INO80: variants seen among roughly 807,000 people sequenced by gnomAD.
The protein encoded by INO80 is INO80 complex ATPase subunit.
A neutral mutation model predicts 203.4 loss-of-function variants in INO80; 20 were observed. The ratio of observed to expected loss-of-function variants is 0.10; its 90% confidence interval spans 0.07 to 0.14. INO80 has a LOEUF of 0.14. INO80 is among the 10% of genes least tolerant of loss of function. The pLI is 1.00. For synonymous variants in INO80, 726 were observed against 685.2 expected (o/e 1.06, Z -0.93); for missense variants, 1,419 against 1,914.4 (o/e 0.74, Z 4.83).
At chr15:41,027,262 G>GT (rs1464631646) in intron 25 of INO80, among the ~76,000 whole-genome samples, 1 of 152,086 alleles carries the variant, frequency 6.6e-6, no homozygotes, top group Non-Finnish European at 1.5e-5. Flanking sequence ...CTCAACACAG[G>GT]TGACAAATGG....
At chr15:41,049,813 G>A (rs2044836256) in intron 20 of INO80, 122 bp downstream of exon 20, 1 of 856,106 alleles carries the variant, frequency 1.2e-6, no homozygotes, top group Non-Finnish European at 1.8e-6. Flanking sequence ...CTGAACCTGG[G>A]AGCCAGAGGT....
intron 1 of INO80, 69 bp from the exon 2 acceptor site, chr15:41,096,422 T>C: frequency 8.7e-7 from 1 of 1,148,290 alleles, no homozygotes; most frequent in Non-Finnish European, 1.2e-6. Flanking sequence ...GCCTGCTTGT[T>C]CCCAATGTGA....
At chr15:41,022,994 G>C (rs548465403) in intron 25 of INO80, among the ~76,000 whole-genome samples, 6 of 151,642 alleles carry the variant, frequency 4.0e-5, no homozygotes, top group African/African-American at 1.5e-4. Context: ...CCAGATAGTT[G>C]GGAGGCTGAG....
Position 40,982,869 on chromosome 15 carries a change from C to A in INO80, c.4446G>T (p.Val1482=). 6.2e-7 allele frequency: 1 copy of A among 1,612,362 alleles called. No homozygotes were observed. Among genetic ancestry groups the A allele is most frequent in the Non-Finnish European group, 8.5e-7 (1 of 1,179,512 alleles). Residue 1482 remains valine, a synonymous_variant, in exon 35 of 36, where the codon GTG becomes GTT. Coordinates refer to ENST00000648947, the MANE Select transcript of INO80 (RefSeq NM_017553.3). The part of the protein sequence containing the change: ...AAAYAAYGYN[V]SKGISASSPL... Reference sequence around the variant, plus strand: ...CACCCTGGGCTTCTGTACCTTTAGACACGTTGTACCCGTATGCGGCATAGG... The same window carrying A: ...CACCCTGGGCTTCTGTACCTTTAGAAACGTTGTACCCGTATGCGGCATAGG...
At chr15:41,066,135 T>G (rs993731147) in intron 14 of INO80, among the ~76,000 whole-genome samples, 2 of 151,676 alleles carry the variant, frequency 1.3e-5, no homozygotes. Flanking sequence ...TGTGCCACCA[T>G]GCCCAGCTAA....
chr15:41,076,454 T>G (rs1383355536), intron 9 of INO80, among the ~76,000 whole-genome samples: 1 of 147,814 alleles, frequency 6.8e-6, no homozygotes, highest in Non-Finnish European at 1.5e-5. Flanking sequence ...TACACATACA[T>G]GTGCAAACTT....
intron 9 of INO80, among the ~76,000 whole-genome samples, chr15:41,077,243 C>T (rs1596312953): frequency 6.8e-6 from 1 of 147,380 alleles, no homozygotes; most frequent in Non-Finnish European, 1.5e-5. Context: ...CAAAAAAGAG[C>T]ATTATTGGTC....
At chr15:41,083,305 C>G (rs2045513362) in intron 7 of INO80, among the ~76,000 whole-genome samples, 1 of 150,594 alleles carries the variant, frequency 6.6e-6, no homozygotes, top group Admixed American at 6.6e-5. Flanking sequence ...AATGCTCAAG[C>G]ATCAACTATG....
At chr15:41,038,654 T>A (rs1230716833) in intron 24 of INO80, among the ~76,000 whole-genome samples, 1 of 152,184 alleles carries the variant, frequency 6.6e-6, no homozygotes, top group Non-Finnish European at 1.5e-5. Flanking sequence ...TCCAAACTGA[T>A]CAAAGTCCCT....
At chr15:41,051,408 C>CTA (rs1165880682) in intron 19 of INO80, among the ~76,000 whole-genome samples, 1 of 151,578 alleles carries the variant, frequency 6.6e-6, no homozygotes, top group African/African-American at 2.4e-5. Flanking sequence ...CCTAGCAAAA[C>CTA]TATAGTAAGA....
chr15:41,049,900 A>G, intron 20 of INO80, 35 bp downstream of exon 20: 1 of 1,573,690 alleles, frequency 6.4e-7, no homozygotes, highest in Non-Finnish European at 8.7e-7. Flanking sequence ...AAAAACAAAA[A>G]ACAAAACTTC....
chr15:40,988,396 T>G (rs1221074421), intron 29 of INO80, among the ~76,000 whole-genome samples: 1 of 152,230 alleles, frequency 6.6e-6, no homozygotes, highest in Non-Finnish European at 1.5e-5. Flanking sequence ...TATTTTGTAG[T>G]TTAGGAGAAT....
chr15:41,011,547 A>C lies in INO80; in HGVS notation c.3402+4541T>G, dbSNP rs779662335. On this transcript the variant is annotated intron_variant, in intron 27 of 35. Transcript: ENST00000648947. ...CTTCTACAATTCTTAAGACCTAATA[A>C]GAACTCTAGTTAACAGTGGCCCCAA... is the stretch of plus-strand genomic sequence containing the variant. The C allele has an allele frequency of 3.9e-5, 6 of 152,296 alleles. No homozygotes were observed. In the South Asian group the frequency reaches 6.2e-4, roughly 16 times the overall value. 9.4% of individuals were successfully genotyped at this position (152,296 alleles called of 1,614,324 possible).
intron 1 of INO80, chr15:41,109,264 G>C (rs2045925766): frequency 1.3e-5 from 2 of 152,014 alleles, no homozygotes; most frequent in South Asian, 4.2e-4. Context: ...GACCAGCCTG[G>C]CCAACATGGT....
rs78215363 is a variant in INO80, at chr15:41,025,898, C to T, written c.3048+1698G>A. 4.8e-4 allele frequency among the ~76,000 whole-genome samples: 73 copies of T among 152,294 alleles called. No homozygotes were observed. The East Asian group carries it at 0.012, about 25-fold the overall frequency. On this transcript the variant is annotated intron_variant, in intron 25 of 35. Transcript: ENST00000648947. ...ACCATGAAAGACTGAAGCCTGCCTT[C>T]TATGGAAGCTCTTGGCTTTAAATGC...
rs1353987757 is a variant in INO80 at position 40,981,182 on chromosome 15, TGGAACCAC to T, written c.4454-750_4454-743del. On this transcript the variant is annotated intron_variant, in intron 35 of 35. Transcript: ENST00000648947. ...GACATGTCTCTCTCCTCATCCACAG[TGGAACCAC>T]GGGTACTCTCTGAACCACTCCTTTC... Among the ~76,000 whole-genome samples the T allele has an allele frequency of 2.6e-3, 16 of 6,230 alleles. No homozygotes were observed. In the Admixed American group the frequency reaches 0.064, roughly 25 times the overall value. The allele number at this position is 6,230 out of a possible 152,430, so 4.1% of individuals were successfully genotyped here.
At position 40,997,583 on chromosome 15, in the gene INO80, G is replaced by A; in HGVS notation, c.3516C>T (p.Phe1172=). Residue 1172 remains phenylalanine, a synonymous_variant, in exon 29 of 36, where the codon TTC becomes TTT. Coordinates refer to ENST00000648947, the MANE Select transcript of INO80 (RefSeq NM_017553.3). ...GTCCTCCAGCTCGTGTGCTTAACAG[G>A]AACACAAAGATGTCATTCCTGCAGA... The part of the protein sequence containing the change: ...DFQNRNDIFV[F]LLSTRAGGLG... 6.2e-7 allele frequency: 1 copy of A among 1,611,512 alleles called. No individual in the cohort carries two copies.
In INO80 at chr15:41,059,972, A is replaced by G. The variant is rs753103429; in HGVS notation, c.1783-46T>C. On this transcript the variant is annotated intron_variant, in intron 14 of 35. Coordinates refer to ENST00000648947, the MANE Select transcript of INO80 (RefSeq NM_017553.3). Reference sequence around the variant, plus strand: ...TACATTACTTTCTATAGATGATCTTAAAAGTATTAGAACAAATATATAATT... The same window carrying G: ...TACATTACTTTCTATAGATGATCTTGAAAGTATTAGAACAAATATATAATT... The G allele has an allele frequency of 5.7e-6, 7 of 1,238,716 alleles. No individual in the cohort carries two copies. The East Asian group carries it at 1.2e-4, about 21-fold the overall frequency. The allele number at this position is 1,238,716 out of a possible 1,614,324, so 76.7% of individuals were successfully genotyped here.
At chr15:41,043,572 A>AG (rs1216199889) in intron 24 of INO80, among the ~76,000 whole-genome samples, 1 of 152,256 alleles carries the variant, frequency 6.6e-6, no homozygotes, top group African/African-American at 2.4e-5. Flanking sequence ...TTCAGTGTAC[A>AG]GGGGGCAAAT....
Sources: gnomAD v4.1 joint callset for allele counts (sites outside exome capture counted in the v4.1 genomes callset) on GRCh38, gnomAD v4.1.1 for gene constraint, MANE v1.5 for transcripts, NCBI Gene and HGNC (gene_info 2026-07-23, HGNC 2026-07-21) for gene names.